BANK1: variants seen among roughly 807,000 people sequenced by gnomAD.
BANK1 encodes B-cell scaffold protein with ankyrin repeats.
In BANK1, 95 loss-of-function variants were observed where a neutral mutation model predicts 94.5. The ratio of observed to expected loss-of-function variants is 1.00; its 90% CI spans 0.85 to 1.19. The LOEUF (loss-of-function observed/expected upper bound fraction) is 1.19, where lower values mean the gene tolerates loss of function less well. BANK1 is among the 50% of genes most tolerant of loss of function. The probability of loss-of-function intolerance (pLI) is 0.00; values close to 1 mark genes in which losing one functional copy is unlikely to be tolerated. For missense variants in BANK1, 987 were observed against 932.2 expected (o/e 1.06, Z -0.77); for synonymous variants, 334 against 308.4 (o/e 1.08, Z -0.87).
intron 7 of BANK1, among the ~76,000 whole-genome samples, chr4:101,932,462 T>C (rs1020076324): frequency 2.6e-5 from 4 of 151,552 alleles, no homozygotes; most frequent in African/African-American, 9.7e-5. Flanking sequence ...GTTGTAAGTT[T>C]GTTTTCTTAA....
At chr4:102,002,615 A>G (rs1355568714) in intron 7 of BANK1, among the ~76,000 whole-genome samples, 1 of 151,980 alleles carries the variant, frequency 6.6e-6, no homozygotes, top group Non-Finnish European at 1.5e-5. Flanking sequence ...TCATATACAA[A>G]AAGATTTTTA....
At chr4:102,066,500 G>C (rs1024417513) in intron 13 of BANK1, among the ~76,000 whole-genome samples, 3 of 151,990 alleles carry the variant, frequency 2.0e-5, no homozygotes, top group African/African-American at 7.3e-5. Flanking sequence ...CTCGTGATCC[G>C]CCCGCCTCGG....
At chr4:101,997,561 T>C (rs1212341024) in intron 7 of BANK1, among the ~76,000 whole-genome samples, 1 of 152,148 alleles carries the variant, frequency 6.6e-6, no homozygotes, top group African/African-American at 2.4e-5. Flanking sequence ...AGGCTTTTTT[T>C]TTATTGTTAG....
intron 1 of BANK1, among the ~76,000 whole-genome samples, chr4:101,796,179 C>T (rs868533201): frequency 6.6e-6 from 1 of 152,130 alleles, no homozygotes; most frequent in South Asian, 2.1e-4. Flanking sequence ...CTGAGGAGAC[C>T]GAAAGACAAA....
rs148307063 is a variant in BANK1 at position 102,019,902 on chromosome 4, T to G, written c.1207-1612T>G. ...TGAAAGTTTTCAAATCAACCTAGAC[T>G]TTTTTCTTAATTTAGAGGCAGATTC... On this transcript the variant is annotated intron_variant, in intron 7 of 16. Transcript: ENST00000322953. Among the ~76,000 whole-genome samples the G allele has an allele frequency of 9.6e-3, 1,466 of 152,250 alleles. 23 individuals are homozygous for G. The highest frequency in any genetic ancestry group is 0.034 in the African/African-American group (1,401 of 41,564).
At chr4:101,933,918 C>A (rs950391067) in intron 7 of BANK1, among the ~76,000 whole-genome samples, 2 of 151,362 alleles carry the variant, frequency 1.3e-5, no homozygotes, top group African/African-American at 4.8e-5. Flanking sequence ...TTATTGCTGG[C>A]TTTTTTAGAG....
intron 1 of BANK1, among the ~76,000 whole-genome samples, chr4:101,811,163 T>C (rs546506738): frequency 6.6e-6 from 1 of 152,294 alleles, no homozygotes; most frequent in South Asian, 2.1e-4. Context: ...TGTGCTTCCA[T>C]TAAATAAGGC....
At chr4:101,807,995 G>T (rs1725617367) in intron 1 of BANK1, among the ~76,000 whole-genome samples, 1 of 151,088 alleles carries the variant, frequency 6.6e-6, no homozygotes, top group South Asian at 2.1e-4. Context: ...TGAGGCAGGA[G>T]AATCGCTTGA....
intron 5 of BANK1, among the ~76,000 whole-genome samples, chr4:101,873,566 GTAA>G (rs1280842118): frequency 2.0e-5 from 3 of 152,156 alleles, no homozygotes; most frequent in African/African-American, 7.2e-5. Flanking sequence ...GAGAAAAGAA[GTAA>G]TAATGAGAAA....
rs375748912 is a variant in BANK1 at position 101,846,145 on chromosome 4, G to C, written c.470-8890G>C. ...GCACACGTATGTTTATTGCCGCACTGTTCACAATAGCAAAGACTGGGAACC... is the reference window on the plus strand; with the variant it reads ...GCACACGTATGTTTATTGCCGCACTCTTCACAATAGCAAAGACTGGGAACC... On this transcript the variant is annotated intron_variant, in intron 2 of 16. Transcript: ENST00000322953. Among the ~76,000 whole-genome samples, 6 of 151,934 alleles carry C rather than the reference G, an allele frequency of 3.9e-5. 1 individual carries two copies. In the East Asian group the frequency reaches 1.2e-3, roughly 29 times the overall value.
chr4:101,906,122 T>G (rs1237574088), intron 6 of BANK1, among the ~76,000 whole-genome samples: 2 of 152,192 alleles, frequency 1.3e-5, no homozygotes, highest in African/African-American at 2.4e-5. Context: ...AAGTTTTATC[T>G]GCCCATCAAG....
intron 5 of BANK1, among the ~76,000 whole-genome samples, chr4:101,892,041 G>A (rs1018083878): frequency 3.3e-5 from 5 of 151,804 alleles, no homozygotes; most frequent in Middle Eastern, 3.4e-3. Flanking sequence ...ATCAATTTGC[G>A]ATCGTCCAGG....
chr4:101,833,944 A>G (rs927543855), intron 2 of BANK1, among the ~76,000 whole-genome samples: 2 of 152,158 alleles, frequency 1.3e-5, no homozygotes, highest in African/African-American at 4.8e-5. Flanking sequence ...CAATAGGAAA[A>G]TTATTTTTTT....
intron 5 of BANK1, among the ~76,000 whole-genome samples, chr4:101,889,715 G>C: frequency 6.8e-6 from 1 of 147,608 alleles, no homozygotes. Context: ...CTCTTGTTCT[G>C]CTTGCTTTGA....
At chr4:101,839,860 C>T (rs1255367162) in intron 2 of BANK1, among the ~76,000 whole-genome samples, 2 of 137,890 alleles carry the variant, frequency 1.5e-5, no homozygotes, top group Non-Finnish European at 3.1e-5. Context: ...TTTTTAGAAA[C>T]TAAGACAAAG....
intron 7 of BANK1, among the ~76,000 whole-genome samples, chr4:102,016,056 A>T (rs904885434): frequency 2.6e-5 from 4 of 152,196 alleles, no homozygotes; most frequent in Non-Finnish European, 4.4e-5. Flanking sequence ...TGTTTTGTTC[A>T]TGGTCCCCCA....
At chr4:101,905,291 C>T (rs1381780247) in intron 6 of BANK1, among the ~76,000 whole-genome samples, 1 of 152,204 alleles carries the variant, frequency 6.6e-6, no homozygotes, top group Non-Finnish European at 1.5e-5. Context: ...GTTCCCCAGG[C>T]AGAAGGCTCA....
intron 2 of BANK1, among the ~76,000 whole-genome samples, chr4:101,845,996 C>T (rs553042052): frequency 6.6e-6 from 1 of 152,258 alleles, no homozygotes; most frequent in Non-Finnish European, 1.5e-5. Context: ...GGTATACCTC[C>T]TAATGCTATC....
chr4:101,840,957 G>C (rs542892953), intron 2 of BANK1, among the ~76,000 whole-genome samples: 1 of 152,218 alleles, frequency 6.6e-6, no homozygotes, highest in South Asian at 2.1e-4. Context: ...CTCCCAAGTA[G>C]CTAGGACCAC....
Sources: gnomAD v4.1 joint callset for allele counts (sites outside exome capture counted in the v4.1 genomes callset) on GRCh38, gnomAD v4.1.1 for gene constraint, MANE v1.5 for transcripts, NCBI Gene and HGNC (gene_info 2026-07-23, HGNC 2026-07-21) for gene names.